The following RSU1 variants were observed in gnomAD, a reference collection of about 807,000 sequenced individuals.
RSU1 encodes the protein rsu-1.
Under a neutral mutation model 31.1 loss-of-function variants are expected in RSU1, and 26 were observed. The observed-to-expected ratio is 0.84, with a 90% confidence interval of 0.61 to 1.16. RSU1 has a LOEUF of 1.16. Among genes scored for constraint, RSU1 ranks in the 50% most tolerant of loss-of-function variants. The pLI, the probability that RSU1 is intolerant of heterozygous loss-of-function variation, is 0.00. For missense variants in RSU1, 320 were observed against 339.1 expected, an observed-to-expected ratio of 0.94 and a Z score of 0.44; for synonymous variants, 164 against 136.3, an observed-to-expected ratio of 1.20 and a Z score of -1.41.
At chr10:16,752,320 A>G (rs1224732414) in intron 7 of RSU1, among the ~76,000 whole-genome samples, 1 of 152,156 alleles carries the variant, frequency 6.6e-6, no homozygotes, top group Non-Finnish European at 1.5e-5. Context: ...AGCAGTTTCT[A>G]AGACAGGGGA....
chr10:16,664,382 T>C lies in RSU1; in HGVS notation c.731+30641A>G, dbSNP rs552135231. Among the ~76,000 whole-genome samples the C allele has an allele frequency of 2.6e-5, 4 of 152,308 alleles. No homozygotes were observed. The East Asian group carries it at 7.7e-4, about 29-fold the overall frequency. On this transcript the variant is annotated intron_variant, in intron 8 of 8. Coordinates refer to ENST00000345264, the MANE Select transcript of RSU1 (RefSeq NM_012425.4). ...TGACTCTTAGGTATGTGGAAAGATA[T>C]TTCTGGAGGCTTAAAAGTCACTAGG...
intron 3 of RSU1, among the ~76,000 whole-genome samples, chr10:16,775,728 T>G (rs1588527227): frequency 1.3e-5 from 2 of 152,320 alleles, no homozygotes; most frequent in East Asian, 3.9e-4. Context: ...TATGGTAACC[T>G]GACTACCGGT....
chr10:16,664,179 T>C (rs1419511007), intron 8 of RSU1, among the ~76,000 whole-genome samples: 1 of 152,150 alleles, frequency 6.6e-6, no homozygotes, highest in African/African-American at 2.4e-5. Flanking sequence ...AAGAAAGGCT[T>C]TATGTTAATT....
At chr10:16,690,971 T>A (rs1835537655) in intron 8 of RSU1, among the ~76,000 whole-genome samples, 1 of 152,082 alleles carries the variant, frequency 6.6e-6, no homozygotes, top group African/African-American at 2.4e-5. Context: ...GGATTCTTTT[T>A]AATAAAGGGG....
At chr10:16,650,832 T>C (rs978485204) in intron 8 of RSU1, among the ~76,000 whole-genome samples, 18 of 152,056 alleles carry the variant, frequency 1.2e-4, no homozygotes, top group Admixed American at 3.9e-4. Context: ...CTGCCTGCCT[T>C]GGCCTCCCAA....
At chr10:16,773,600 G>A (rs905063500) in intron 3 of RSU1, among the ~76,000 whole-genome samples, 4 of 152,172 alleles carry the variant, frequency 2.6e-5, no homozygotes, top group Non-Finnish European at 4.4e-5. Flanking sequence ...AAGCTCTGTC[G>A]CCTCCTCATT....
intron 7 of RSU1, 66 bp from the exon 8 acceptor site, chr10:16,695,221 T>C: frequency 1.4e-6 from 2 of 1,475,166 alleles, no homozygotes; most frequent in Non-Finnish European, 9.2e-7. Context: ...AAGAAGTCCT[T>C]CTCAGTAATC....
At chr10:16,719,954 A>T (rs1403729427) in intron 7 of RSU1, among the ~76,000 whole-genome samples, 1 of 152,226 alleles carries the variant, frequency 6.6e-6, no homozygotes, top group Non-Finnish European at 1.5e-5. Flanking sequence ...CAGCCCTCAA[A>T]GGAACCTGCA....
intron 7 of RSU1, among the ~76,000 whole-genome samples, chr10:16,730,281 G>A (rs960928993): frequency 6.6e-6 from 1 of 152,100 alleles, no homozygotes; most frequent in Non-Finnish European, 1.5e-5. Flanking sequence ...CCAGCACTGG[G>A]GATCAAATTT....
At chr10:16,728,530 G>C (rs776239731) in intron 7 of RSU1, among the ~76,000 whole-genome samples, 1 of 152,172 alleles carries the variant, frequency 6.6e-6, no homozygotes, top group Non-Finnish European at 1.5e-5. Flanking sequence ...TTTCACAAAC[G>C]CAACGGAACT....
At chr10:16,644,560 C>T (rs1357713427) in intron 8 of RSU1, among the ~76,000 whole-genome samples, 1 of 152,196 alleles carries the variant, frequency 6.6e-6, no homozygotes, top group African/African-American at 2.4e-5. Context: ...AAAGGTCTTG[C>T]TCAAGGTCAT....
intron 8 of RSU1, among the ~76,000 whole-genome samples, chr10:16,619,652 A>G (rs1029098788): frequency 6.6e-6 from 1 of 151,776 alleles, no homozygotes; most frequent in African/African-American, 2.4e-5. Flanking sequence ...ACTCTGAAAG[A>G]CTCCTGAGCC....
At chr10:16,695,302 C>G (rs1588720107) in intron 7 of RSU1, 147 bp from the exon 8 acceptor site, 1 of 702,088 alleles carries the variant, frequency 1.4e-6, no homozygotes, top group East Asian at 2.8e-5. Flanking sequence ...ATTTCTTAAC[C>G]CAAGTCATCA....
Position 16,817,396 on chromosome 10 carries a change from A to C in RSU1, c.-85T>G. On this transcript the variant is annotated 5_prime_UTR_variant, in exon 1 of 9. Coordinates refer to ENST00000345264, the MANE Select transcript of RSU1 (RefSeq NM_012425.4). ...ACTCCAGCTGCCCTCACTCCCTGCA[A>C]CACCGGCACTGAACAGCGAACACGC... 1 of 333,342 alleles carries C rather than the reference A, an allele frequency of 3.0e-6. No homozygotes were observed. Among genetic ancestry groups the C allele is most frequent in the Non-Finnish European group, 5.7e-6 (1 of 175,118 alleles). The allele number at this position is 333,342 out of a possible 1,614,324, so 20.6% of individuals were successfully genotyped here. A position where few individuals can be genotyped will look rare whatever the true frequency, so the allele number is the denominator to read the frequency against.
chr10:16,609,962 A>G (rs945756342), intron 8 of RSU1, among the ~76,000 whole-genome samples: 1 of 152,224 alleles, frequency 6.6e-6, no homozygotes, highest in East Asian at 1.9e-4. Flanking sequence ...ATGTAGCTTT[A>G]AATTTTCTCA....
intron 8 of RSU1, among the ~76,000 whole-genome samples, chr10:16,691,637 G>T (rs1482818636): frequency 1.3e-5 from 2 of 151,036 alleles, no homozygotes; most frequent in African/African-American, 2.4e-5. Context: ...TCATGTAGAT[G>T]CCCCTAAAAG....
intron 7 of RSU1, among the ~76,000 whole-genome samples, chr10:16,735,978 G>A (rs758792652): frequency 9.2e-5 from 14 of 152,124 alleles, no homozygotes; most frequent in Non-Finnish European, 1.6e-4. Context: ...CATTCACTCT[G>A]GTTTTCTCTG....
At chr10:16,768,650 T>C (rs1293051698) in intron 3 of RSU1, among the ~76,000 whole-genome samples, 1 of 152,198 alleles carries the variant, frequency 6.6e-6, no homozygotes. Context: ...TCAAAGTTTC[T>C]TCTGGACTTT....
intron 8 of RSU1, among the ~76,000 whole-genome samples, chr10:16,656,005 AAT>A (rs3858181): frequency 0.18 from 28,021 of 152,100 alleles, 3,174 homozygotes; most frequent in South Asian, 0.37. Context: ...TTTTTTTCTT[AAT>A]ATATTTCTCA....
Sources: gnomAD v4.1 joint callset for allele counts (sites outside exome capture counted in the v4.1 genomes callset) on GRCh38, gnomAD v4.1.1 for gene constraint, MANE v1.5 for transcripts, NCBI Gene and HGNC (gene_info 2026-07-23, HGNC 2026-07-21) for gene names.